Variants in B3GALT1 observed in about 807,000 individuals in gnomAD.
The protein encoded by B3GALT1 is beta-1,3-galactosyltransferase 1.
In B3GALT1, 10 loss-of-function variants were observed where a neutral mutation model predicts 23.2. The ratio of observed to expected loss-of-function variants is 0.43; its 90% confidence interval spans 0.27 to 0.73. The LOEUF (loss-of-function observed/expected upper bound fraction) is 0.73, where lower values mean the gene tolerates loss of function less well. Among genes scored for constraint, B3GALT1 ranks in the 30% least tolerant of loss-of-function variants. The pLI is 0.21. For synonymous variants in B3GALT1, 156 were observed against 141.5 expected, an observed-to-expected ratio of 1.10 and a Z score of -0.73; for missense variants, 299 against 405.4, an observed-to-expected ratio of 0.74 and a Z score of 2.25.
At chr2:167,633,300 A>T (rs1574180123) in intron 2 of B3GALT1, among the ~76,000 whole-genome samples, 1 of 151,428 alleles carries the variant, frequency 6.6e-6, no homozygotes, top group East Asian at 1.9e-4. Flanking sequence ...AGGTTGGATT[A>T]CCCACAAAGG....
chr2:167,780,735 T>C (rs1195113818), intron 3 of B3GALT1, among the ~76,000 whole-genome samples: 1 of 152,242 alleles, frequency 6.6e-6, no homozygotes, highest in Non-Finnish European at 1.5e-5. Context: ...ATGGACTTTA[T>C]TGATTCAGGT....
chr2:167,414,762 T>G (rs1196586439), intron 1 of B3GALT1, among the ~76,000 whole-genome samples: 2 of 152,200 alleles, frequency 1.3e-5, no homozygotes, highest in African/African-American at 2.4e-5. Context: ...ACTAATAAGT[T>G]TGCAGTAATA....
chr2:167,341,482 C>T (rs192872310), intron 1 of B3GALT1, among the ~76,000 whole-genome samples: 1 of 152,008 alleles, frequency 6.6e-6, no homozygotes, highest in Non-Finnish European at 1.5e-5. Flanking sequence ...GCCAATGTGG[C>T]GAAACCCTGT....
At chr2:167,495,146 T>C (rs933816689) in intron 2 of B3GALT1, among the ~76,000 whole-genome samples, 1 of 152,114 alleles carries the variant, frequency 6.6e-6, no homozygotes. Context: ...TGGGAGGGCC[T>C]TCTAGAACAA....
chr2:167,352,271 TTTTTTTTTG>T (rs201374917), intron 1 of B3GALT1, among the ~76,000 whole-genome samples: 91,556 of 127,286 alleles, frequency 0.72, 33,055 homozygotes, highest in Non-Finnish European at 0.82. Flanking sequence ...CTGGCCTGTT[TTTTTTTTTG>T]TTTTTTTTTT....
At chr2:167,676,501 A>C (rs1686428262) in intron 3 of B3GALT1, among the ~76,000 whole-genome samples, 1 of 146,122 alleles carries the variant, frequency 6.8e-6, no homozygotes, top group South Asian at 2.2e-4. Context: ...ACACATGCAC[A>C]CACGTGTATG....
intron 1 of B3GALT1, among the ~76,000 whole-genome samples, chr2:167,484,509 G>C (rs1699598398): frequency 6.6e-6 from 1 of 152,116 alleles, no homozygotes. Context: ...CCATAAAAGT[G>C]GGACAACTAG....
At chr2:167,410,437 G>A (rs894902117) in intron 1 of B3GALT1, among the ~76,000 whole-genome samples, 5 of 149,302 alleles carry the variant, frequency 3.3e-5, no homozygotes, top group African/African-American at 1.2e-4. Flanking sequence ...CTTGCAGTGA[G>A]CCGAGATCGC....
intron 2 of B3GALT1, among the ~76,000 whole-genome samples, chr2:167,526,204 C>CAT (rs1574119427): frequency 1.3e-5 from 2 of 151,358 alleles, no homozygotes; most frequent in Non-Finnish European, 2.9e-5. Context: ...CACACACACA[C>CAT]ATATATGTAT....
intron 2 of B3GALT1, among the ~76,000 whole-genome samples, chr2:167,518,838 A>C (rs955384526): frequency 2.0e-5 from 3 of 152,148 alleles, no homozygotes; most frequent in African/African-American, 7.2e-5. Context: ...CCTGAAAGCC[A>C]CTTACGGTCA....
intron 4 of B3GALT1, among the ~76,000 whole-genome samples, chr2:167,824,251 G>A (rs561155062): frequency 6.6e-6 from 1 of 152,234 alleles, no homozygotes; most frequent in Non-Finnish European, 1.5e-5. Flanking sequence ...ACCAATCATG[G>A]TATGATTTCC....
chr2:167,467,779 T>C (rs1471811968), intron 1 of B3GALT1, among the ~76,000 whole-genome samples: 4 of 152,200 alleles, frequency 2.6e-5, no homozygotes, highest in Non-Finnish European at 5.9e-5. Flanking sequence ...CCTACAAACA[T>C]AGATACAACC....
At chr2:167,856,032 CT>C (rs1689994243) in intron 4 of B3GALT1, among the ~76,000 whole-genome samples, 1 of 152,116 alleles carries the variant, frequency 6.6e-6, no homozygotes, top group African/African-American at 2.4e-5. Context: ...TTGAATGAGA[CT>C]TTACAACATT....
At chr2:167,585,376 T>C (rs1477387897) in intron 2 of B3GALT1, among the ~76,000 whole-genome samples, 2 of 152,160 alleles carry the variant, frequency 1.3e-5, no homozygotes, top group African/African-American at 2.4e-5. Flanking sequence ...CCCTTAATAA[T>C]TGGGCAATCA....
intron 1 of B3GALT1, among the ~76,000 whole-genome samples, chr2:167,436,813 G>A (rs1489847679): frequency 6.6e-6 from 1 of 152,016 alleles, no homozygotes; most frequent in African/African-American, 2.4e-5. Context: ...GTGCCCATTG[G>A]TTAAATAGCC....
intron 1 of B3GALT1, among the ~76,000 whole-genome samples, chr2:167,329,595 T>A (rs995708820): frequency 1.3e-4 from 20 of 152,210 alleles, no homozygotes; most frequent in African/African-American, 4.8e-4. Context: ...TACTGCAGTC[T>A]GTCTCTTTCT....
intron 2 of B3GALT1, among the ~76,000 whole-genome samples, chr2:167,527,155 G>A (rs1402797313): frequency 6.6e-6 from 1 of 151,456 alleles, no homozygotes; most frequent in African/African-American, 2.4e-5. Flanking sequence ...CTCATTTCTT[G>A]GGAGGAATTC....
intron 1 of B3GALT1, among the ~76,000 whole-genome samples, chr2:167,428,738 G>A (rs1481951534): frequency 6.6e-6 from 1 of 152,064 alleles, no homozygotes; most frequent in South Asian, 2.1e-4. Flanking sequence ...AAGCAAAGGT[G>A]ATGTTTACTT....
At chr2:167,843,896 T>C (rs1051450551) in intron 4 of B3GALT1, among the ~76,000 whole-genome samples, 1 of 152,222 alleles carries the variant, frequency 6.6e-6, no homozygotes, top group Non-Finnish European at 1.5e-5. Flanking sequence ...CTTTGTTCTC[T>C]GACACCAAAA....
Sources: gnomAD v4.1 joint callset for allele counts (sites outside exome capture counted in the v4.1 genomes callset) on GRCh38, gnomAD v4.1.1 for gene constraint, MANE v1.5 for transcripts, NCBI Gene and HGNC (gene_info 2026-07-23, HGNC 2026-07-21) for gene names.